TRPC3: variants seen among roughly 807,000 people sequenced by gnomAD.
TRPC3 encodes the protein short transient receptor potential channel 3.
Under a neutral mutation model 90.9 loss-of-function variants are expected in TRPC3, and 54 were observed. That is an observed-to-expected ratio of 0.59 (90% CI 0.48 to 0.75). TRPC3 has a LOEUF of 0.75. Among genes scored for constraint, TRPC3 ranks in the 30% least tolerant of loss-of-function variants. The pLI is 0.00. For missense variants in TRPC3, 918 were observed against 1,194.5 expected, an observed-to-expected ratio of 0.77 and a Z score of 3.41; for synonymous variants, 424 against 450.9, an observed-to-expected ratio of 0.94 and a Z score of 0.75.
rs936528080 is a variant in TRPC3, at chr4:121,877,685, G to C, written c.*2051C>G. On this transcript the variant is annotated 3_prime_UTR_variant, in exon 12 of 12. Transcript: ENST00000379645. ...ACAACACCTTGAAATGATGAATAAGGAAAAAGATGAAATATTAAAACTATA... is the reference window on the plus strand; with the variant it reads ...ACAACACCTTGAAATGATGAATAAGCAAAAAGATGAAATATTAAAACTATA... Among the ~76,000 whole-genome samples the C allele has an allele frequency of 2.8e-5, 4 of 141,988 alleles. No homozygotes were observed. Among genetic ancestry groups the C allele is most frequent in the Non-Finnish European group, 6.1e-5 (4 of 65,890 alleles). 93.1% of individuals were successfully genotyped at this position (141,988 alleles called of 152,430 possible).
chr4:121,883,455 C>A (rs917007379), intron 10 of TRPC3, among the ~76,000 whole-genome samples: 1 of 151,646 alleles, frequency 6.6e-6, no homozygotes, highest in African/African-American at 2.4e-5. Flanking sequence ...CTCAAATAAC[C>A]CGATTTTAAA....
chr4:121,911,909 C>A lies in TRPC3; in HGVS notation c.1526G>T (p.Trp509Leu), dbSNP rs1729118050. The A allele has an allele frequency of 6.2e-7, 1 of 1,613,346 alleles. No individual in the cohort carries two copies. The highest frequency in any genetic ancestry group is 8.5e-7 in the Non-Finnish European group (1 of 1,179,630). The change falls in exon 5 of 12, where the codon TGG becomes TTG. Residue 509 changes from tryptophan (W) to leucine (L), a missense_variant. Trp to Leu is a moderately conservative substitution (Grantham distance 61). Around this residue, in one of 4 missense-constraint regions of TRPC3, gnomAD observed 609 missense variants for 725.9 expected, o/e 0.84. Coordinates refer to ENST00000379645, the MANE Select transcript of TRPC3 (RefSeq NM_001130698.2). ...CCAGACCATAATTAGCATTTCAGTC[C>A]ATGTAAACTGGGTGGTTTTCACCCT... ...IFRVKTTQFT[W>L]TEMLIMVWVL...
chr4:121,933,157 G>C (rs1730013952), intron 1 of TRPC3, 115 bp from the exon 2 acceptor site: 21 of 1,407,984 alleles, frequency 1.5e-5, no homozygotes, highest in Admixed American at 6.2e-5. Context: ...TGGCTGCAGG[G>C]GTCGGCTCAG....
chr4:121,943,258 T>G (rs1730381138), intron 1 of TRPC3, among the ~76,000 whole-genome samples: 1 of 152,180 alleles, frequency 6.6e-6, no homozygotes, highest in African/African-American at 2.4e-5. Context: ...GGAGGGGAAT[T>G]GAAGTGATTC....
At chr4:121,916,981 C>A (rs1263817940) in intron 3 of TRPC3, among the ~76,000 whole-genome samples, 1 of 152,274 alleles carries the variant, frequency 6.6e-6, no homozygotes, top group Non-Finnish European at 1.5e-5. Flanking sequence ...TCTGAAAGTG[C>A]TGGGATTACA....
Position 121,874,719 on chromosome 4 carries a change from CT to C in TRPC3, c.*5016del, listed in dbSNP as rs1238901110. Among the ~76,000 whole-genome samples, 1 of 152,202 alleles carries C rather than the reference CT, an allele frequency of 6.6e-6. No individual in the cohort carries two copies. The highest frequency in any genetic ancestry group is 1.5e-5 in the Non-Finnish European group (1 of 68,040). On this transcript the variant is annotated 3_prime_UTR_variant, in exon 12 of 12. Coordinates refer to ENST00000379645, the MANE Select transcript of TRPC3 (RefSeq NM_001130698.2). ...TAAATTAATTACCTCTTTAAAGACC[CT>C]ATCTCCAACTATAGTTATAGTCTGA...
At chr4:121,897,017 G>C (rs1165427869) in intron 10 of TRPC3, among the ~76,000 whole-genome samples, 1 of 151,976 alleles carries the variant, frequency 6.6e-6, no homozygotes, top group Non-Finnish European at 1.5e-5. Flanking sequence ...TTTTTACAAA[G>C]ATGCCAAAAA....
intron 10 of TRPC3, among the ~76,000 whole-genome samples, chr4:121,895,255 A>G (rs1365003336): frequency 2.0e-5 from 3 of 152,172 alleles, no homozygotes; most frequent in Non-Finnish European, 2.9e-5. Flanking sequence ...ACATAAAGGG[A>G]AAAAAGCATA....
chr4:121,911,952 A>T lies in TRPC3; in HGVS notation c.1483T>A (p.Tyr495Asn). ...TTCACCCTGAAGATCTGTTTGGGAT[A>T]GTCAGTAACTGTGATATTGGGCAGC... Reference protein sequence around the residue: ...TTLPNITVTDYPKQIFRVKTT... With the variant: ...TTLPNITVTDNPKQIFRVKTT... The change falls in exon 5 of 12, where the codon TAT becomes AAT. Residue 495 changes from tyrosine (Y) to asparagine (N), a missense_variant. Physicochemically the swap from Tyr to Asn is moderately radical, Grantham distance 143. Coordinates refer to ENST00000379645, the MANE Select transcript of TRPC3 (RefSeq NM_001130698.2). 2.5e-6 allele frequency: 4 copies of T among 1,613,968 alleles called. No homozygotes were observed. The highest frequency in any genetic ancestry group is 2.5e-6 in the Non-Finnish European group (3 of 1,179,880).
chr4:121,938,876 C>T (rs1730215185), intron 1 of TRPC3, among the ~76,000 whole-genome samples: 1 of 152,008 alleles, frequency 6.6e-6, no homozygotes, highest in African/African-American at 2.4e-5. Context: ...AGGAAACCAT[C>T]AGTAACACCC....
At chr4:121,925,773 C>T (rs545091649) in intron 2 of TRPC3, among the ~76,000 whole-genome samples, 5 of 152,070 alleles carry the variant, frequency 3.3e-5, no homozygotes, top group African/African-American at 4.8e-5. Flanking sequence ...ATACATACAT[C>T]GAAGCATCCC....
chr4:121,925,948 C>T (rs1729692565), intron 2 of TRPC3, among the ~76,000 whole-genome samples: 1 of 152,148 alleles, frequency 6.6e-6, no homozygotes, highest in East Asian at 1.9e-4. Context: ...AAGACCATTT[C>T]TACATTGGAA....
intron 7 of TRPC3, 128 bp downstream of exon 7, chr4:121,907,175 G>T: frequency 1.1e-6 from 1 of 920,986 alleles, no homozygotes. Context: ...AGCACTAACT[G>T]TTTTTGATGG....
chr4:121,878,773 C>T lies in TRPC3; in HGVS notation c.*963G>A, dbSNP rs939646054. Among the ~76,000 whole-genome samples the T allele has an allele frequency of 6.6e-6, 1 of 152,170 alleles. No homozygotes were observed. ...CTGAAACACACCTGGGGATGCTTGG[C>T]CATGTCTTTCCAAGTACGCCCATAG... On this transcript the variant is annotated 3_prime_UTR_variant, in exon 12 of 12. Coordinates refer to ENST00000379645, the MANE Select transcript of TRPC3 (RefSeq NM_001130698.2).
At chr4:121,885,561 C>T (rs1455400559) in intron 10 of TRPC3, among the ~76,000 whole-genome samples, 1 of 152,090 alleles carries the variant, frequency 6.6e-6, no homozygotes, top group Non-Finnish European at 1.5e-5. Flanking sequence ...ATGTAAATTA[C>T]ATAGTAGGTG....
intron 1 of TRPC3, among the ~76,000 whole-genome samples, chr4:121,940,856 T>C (rs1578656867): frequency 6.6e-6 from 1 of 152,254 alleles, no homozygotes; most frequent in African/African-American, 2.4e-5. Context: ...AAATGTTTTA[T>C]GTGCCTTATC....
At chr4:121,904,850 T>C (rs940187090) in intron 7 of TRPC3, among the ~76,000 whole-genome samples, 6 of 152,156 alleles carry the variant, frequency 3.9e-5, no homozygotes, top group Non-Finnish European at 7.4e-5. Context: ...TGATTTTGTA[T>C]GTGATTTAGA....
chr4:121,944,311 A>T (rs936182183), intron 1 of TRPC3, among the ~76,000 whole-genome samples: 1 of 151,540 alleles, frequency 6.6e-6, no homozygotes, highest in East Asian at 1.9e-4. Flanking sequence ...TGAGCTAGGA[A>T]ATTTAAAGGA....
rs201270718 is a variant in TRPC3, at chr4:121,951,535, G to A, written c.146C>T (p.Pro49Leu). ...CTCCCGCTGCGAGGGCGCCGAGCGC[G>A]GCTCCAGCCCCCCGTTGACGCCCCT... The part of the protein sequence containing the change: ...GWRGVNGGLE[P>L]RSAPSQREPH... The change falls in exon 1 of 12, where the codon CCG (proline) becomes CTG (leucine). Residue 49 changes from proline to leucine, a missense_variant. By Grantham distance (98) the Pro-to-Leu change is moderately conservative (BLOSUM62 -3). This residue lies in a region of TRPC3 where 609 missense variants were observed against 725.9 expected (regional missense o/e 0.84). Coordinates refer to ENST00000379645, the MANE Select transcript of TRPC3 (RefSeq NM_001130698.2). This position sits in a 1 kb window ranked among gnomAD's most constrained non-coding sequence, Gnocchi z 4.4. 4.0e-5 allele frequency: 56 copies of A among 1,404,228 alleles called. No individual in the cohort carries two copies. The highest frequency in any genetic ancestry group is 4.8e-5 in the South Asian group (3 of 62,618). The allele number at this position is 1,404,228 out of a possible 1,614,324, so 87.0% of individuals were successfully genotyped here. A position where few individuals can be genotyped will look rare whatever the true frequency, so the allele number is the denominator to read the frequency against.
Sources: allele counts gnomAD v4.1 joint callset (sites outside exome capture counted in the v4.1 genomes callset), GRCh38; gene constraint gnomAD v4.1.1; regional missense constraint gnomAD v4.1.1; non-coding constraint Gnocchi (gnomAD v3.1); transcripts MANE v1.5; gene names NCBI Gene and HGNC (gene_info 2026-07-23, HGNC 2026-07-21).